The following TMEM168 variants were observed in gnomAD, a reference collection of about 807,000 sequenced individuals.
The protein encoded by TMEM168 is transmembrane protein 168.
In TMEM168, 40 loss-of-function variants were observed where a neutral mutation model predicts 53.2. The ratio of observed to expected loss-of-function variants is 0.75; its 90% CI spans 0.58 to 0.98. TMEM168 has a LOEUF of 0.98. TMEM168 is among the 50% of genes least tolerant of loss of function. The pLI, the probability that TMEM168 is intolerant of heterozygous loss-of-function variation, is 0.00. For missense variants in TMEM168, 771 were observed against 828.8 expected (o/e 0.93, Z 0.86); for synonymous variants, 282 against 293.0 (o/e 0.96, Z 0.38).
intron 3 of TMEM168, 77 bp from the exon 4 acceptor site, chr7:112,773,132 A>G: frequency 7.0e-7 from 1 of 1,436,040 alleles, no homozygotes; most frequent in South Asian, 1.4e-5. Context: ...ATTATCTAAG[A>G]ATCAGTTATA....
intron 2 of TMEM168, 146 bp downstream of exon 2, chr7:112,783,552 A>T: frequency 1.3e-6 from 1 of 799,260 alleles, no homozygotes; most frequent in Non-Finnish European, 1.8e-6. Flanking sequence ...AAACACATTC[A>T]GTGCTTCAAT....
chr7:112,781,689 G>A (rs1424864821), intron 2 of TMEM168, among the ~76,000 whole-genome samples: 4 of 151,064 alleles, frequency 2.6e-5, no homozygotes, highest in Non-Finnish European at 4.4e-5. Context: ...TGGGAACAAT[G>A]AGATCTATAT....
chr7:112,775,196 C>T lies in TMEM168; in HGVS notation c.1251G>A (p.Val417=), dbSNP rs1793043294. The part of the protein sequence containing the change: ...LGGTSVGYAI[V]IPTNFCSPDG... ...TGTACCTGCAGAAGTTGGTGGGAAT[C>T]ACAATAGCATATCCAACAGATGTTC... The change falls in exon 3 of 5, where the codon GTG becomes GTA. Residue 417 remains valine, a synonymous_variant. Transcript: ENST00000312814. The T allele has an allele frequency of 6.2e-7, 1 of 1,608,466 alleles. No individual in the cohort carries two copies. Among genetic ancestry groups the T allele is most frequent in the Non-Finnish European group, 8.5e-7 (1 of 1,177,466 alleles).
At position 112,784,279 on chromosome 7, in the gene TMEM168, G is replaced by A; in HGVS notation, c.547C>T (p.Leu183Phe). Residue 183 changes from leucine (L) to phenylalanine (F), a missense_variant, in exon 2 of 5, where the codon CTT becomes TTT. Physicochemically the swap from Leu to Phe is conservative, Grantham distance 22. Coordinates refer to ENST00000312814, the MANE Select transcript of TMEM168 (RefSeq NM_022484.6). ...LVEKSLSVILLVVALAMLIID... is the reference protein window; with the variant it reads ...LVEKSLSVILFVVALAMLIID... ...ATCAGCATAGCCAGAGCTACAACAA[G>A]CAAAATGACACTCAGAGACTTCTCC... The A allele has an allele frequency of 1.2e-6, 2 of 1,614,104 alleles. No homozygotes were observed. Among genetic ancestry groups the A allele is most frequent in the South Asian group, 2.2e-5 (2 of 91,078 alleles).
chr7:112,785,614 A>C (rs2116307181), intron 1 of TMEM168, among the ~76,000 whole-genome samples: 1 of 152,336 alleles, frequency 6.6e-6, no homozygotes, highest in Middle Eastern at 3.4e-3. Context: ...CTATCTCTAT[A>C]GCAAACCAAT....
intron 2 of TMEM168, chr7:112,778,123 C>T (rs751345467): frequency 2.0e-5 from 3 of 152,250 alleles, no homozygotes; most frequent in Non-Finnish European, 4.4e-5. Flanking sequence ...GAACCACCAA[C>T]AGGACACAAG....
intron 2 of TMEM168, 27 bp downstream of exon 2, chr7:112,783,671 G>A: frequency 7.0e-7 from 1 of 1,433,046 alleles, no homozygotes; most frequent in Non-Finnish European, 9.2e-7. Flanking sequence ...CACGTCATTG[G>A]GGTTGCTGGA....
intron 1 of TMEM168, among the ~76,000 whole-genome samples, chr7:112,787,960 G>A (rs1257392599): frequency 2.6e-5 from 4 of 151,590 alleles, no homozygotes; most frequent in Admixed American, 6.6e-5. Flanking sequence ...TTGAACTCCC[G>A]ACCTCAGGTG....
Position 112,767,254 on chromosome 7 carries a change from A to G in TMEM168, c.2037T>C (p.Ser679=). 7 of 1,614,132 alleles carry G rather than the reference A, an allele frequency of 4.3e-6. No individual in the cohort carries two copies. The highest frequency in any genetic ancestry group is 5.1e-6 in the Non-Finnish European group (6 of 1,180,004). ...TGTCCAGCACAGTAGGAAGAAACCA[A>G]CTCATTTTTAATCTTTTCAAGCACC... ...CFRCLKRLKM[S]WFLPTVLDTG... is the part of the protein sequence containing the mutation. Residue 679 remains serine (S), a synonymous_variant, in exon 5 of 5, where the codon AGT becomes AGC. Transcript: ENST00000312814.
intron 3 of TMEM168, among the ~76,000 whole-genome samples, chr7:112,773,994 C>T (rs527294856): frequency 6.6e-6 from 1 of 152,182 alleles, no homozygotes; most frequent in Admixed American, 6.5e-5. Context: ...GTTCTTAAAC[C>T]TTCAACTTTG....
At chr7:112,777,641 C>G (rs759870466) in intron 2 of TMEM168, among the ~76,000 whole-genome samples, 8 of 152,090 alleles carry the variant, frequency 5.3e-5, no homozygotes, top group Non-Finnish European at 1.2e-4. Context: ...TCACTAATGC[C>G]CACTTCAGCT....
chr7:112,779,863 A>G (rs145292989), intron 2 of TMEM168, among the ~76,000 whole-genome samples: 151 of 152,344 alleles, frequency 9.9e-4, no homozygotes, highest in African/African-American at 3.5e-3. Context: ...TTTGTTTAGA[A>G]GCATTCTTGT....
rs1019147084 is a variant in TMEM168, at chr7:112,765,568, A to G, written c.*1629T>C. The G allele has an allele frequency of 2.0e-5, 3 of 152,170 alleles. No individual in the cohort carries two copies. Among genetic ancestry groups the G allele is most frequent in the Non-Finnish European group, 2.9e-5 (2 of 68,016 alleles). 9.4% of individuals were successfully genotyped at this position (152,170 alleles called of 1,614,324 possible). A position where few individuals can be genotyped will look rare whatever the true frequency, so the allele number is the denominator to read the frequency against. On this transcript the variant is annotated 3_prime_UTR_variant, in exon 5 of 5. Transcript: ENST00000312814. ...CTACTACCCTACTGCTGAACAGAGCAATAAAAAAAACTATACTATTTTATT... is the reference window on the plus strand; with the variant it reads ...CTACTACCCTACTGCTGAACAGAGCGATAAAAAAAACTATACTATTTTATT...
chr7:112,767,008 A>T lies in TMEM168; in HGVS notation c.*189T>A, dbSNP rs938782983. The T allele has an allele frequency of 6.8e-6, 4 of 591,738 alleles. No individual in the cohort carries two copies. The highest frequency in any genetic ancestry group is 3.7e-5 in the African/African-American group (2 of 53,740). The allele number at this position is 591,738 out of a possible 1,614,324, so 36.7% of individuals were successfully genotyped here. On this transcript the variant is annotated 3_prime_UTR_variant, in exon 5 of 5. Coordinates refer to ENST00000312814, the MANE Select transcript of TMEM168 (RefSeq NM_022484.6). ...ACAGTAAGCATTTGACTCCCTACATACTTTCATTATAAAATGTTTTTTCCC... is the reference window on the plus strand; with the variant it reads ...ACAGTAAGCATTTGACTCCCTACATTCTTTCATTATAAAATGTTTTTTCCC...
intron 1 of TMEM168, 135 bp from the exon 2 acceptor site, chr7:112,785,088 T>A: frequency 3.5e-6 from 1 of 286,614 alleles, no homozygotes. Context: ...TTGCAATATC[T>A]TAATGAATAC....
chr7:112,785,295 G>C (rs1028144763), intron 1 of TMEM168, among the ~76,000 whole-genome samples: 1 of 152,184 alleles, frequency 6.6e-6, no homozygotes, highest in Non-Finnish European at 1.5e-5. Context: ...ATTGTAGCAG[G>C]TTTTGGTACA....
chr7:112,765,510 G>C lies in TMEM168; in HGVS notation c.*1687C>G, dbSNP rs927737734. The C allele has an allele frequency of 1.3e-5, 2 of 151,880 alleles. No homozygotes were observed. The highest frequency in any genetic ancestry group is 2.9e-5 in the Non-Finnish European group (2 of 67,948). The allele number at this position is 151,880 out of a possible 1,614,324, so 9.4% of individuals were successfully genotyped here. On this transcript the variant is annotated 3_prime_UTR_variant, in exon 5 of 5. Transcript: ENST00000312814. ...TTTACTTAACATTAACTTTTTTTAA[G>C]CTAAAAGCTCATAATTTTAACATTT...
intron 3 of TMEM168, 61 bp from the exon 4 acceptor site, chr7:112,773,116 T>C: frequency 6.7e-7 from 1 of 1,486,150 alleles, no homozygotes; most frequent in Non-Finnish European, 9.0e-7. Context: ...CTGTCATTTG[T>C]AACTGATTAT....
At chr7:112,779,280 C>T (rs1467617614) in intron 2 of TMEM168, among the ~76,000 whole-genome samples, 2 of 152,094 alleles carry the variant, frequency 1.3e-5, no homozygotes, top group African/African-American at 4.8e-5. Context: ...CTTAGAAAAA[C>T]AGTATTAAAT....
Sources: allele counts gnomAD v4.1 joint callset (sites outside exome capture counted in the v4.1 genomes callset), GRCh38; gene constraint gnomAD v4.1.1; transcripts MANE v1.5; gene names NCBI Gene and HGNC (gene_info 2026-07-23, HGNC 2026-07-21).